HLCS: variants seen among roughly 807,000 people sequenced by gnomAD.
HLCS encodes biotin--protein ligase.
In HLCS, 53 loss-of-function variants were observed where a neutral mutation model predicts 75.0. The ratio of observed to expected loss-of-function variants is 0.71; its 90% CI spans 0.57 to 0.89. The LOEUF (loss-of-function observed/expected upper bound fraction) is 0.89. Among genes scored for constraint, HLCS ranks in the 40% least tolerant of loss-of-function variants. The pLI, the probability that HLCS is intolerant of heterozygous loss-of-function variation, is 0.00. For missense variants in HLCS, 966 were observed against 1,074.0 expected (o/e 0.90, Z 1.41); for synonymous variants, 431 against 428.6 (o/e 1.01, Z -0.07).
At chr21:36,904,691 G>A (rs1014517060) in intron 5 of HLCS, among the ~76,000 whole-genome samples, 3 of 152,056 alleles carry the variant, frequency 2.0e-5, no homozygotes, top group African/African-American at 4.8e-5. Context: ...ATAAAATTCT[G>A]GTTGTAAGAA....
chr21:36,905,335 A>G (rs547089350), intron 5 of HLCS, among the ~76,000 whole-genome samples: 8 of 152,210 alleles, frequency 5.3e-5, no homozygotes, highest in Non-Finnish European at 1.0e-4. Flanking sequence ...AAAGACAATG[A>G]GAGAGTATGG....
At position 36,827,077 on chromosome 21, in the gene HLCS, G is replaced by A. The variant is rs563498281; in HGVS notation, c.1893-59792C>T. ...GTCACAGGATAATGGCATGCTTAAG[G>A]CGGCCCAATAGACACAGGAGAACAC... On this transcript the variant is annotated intron_variant, in intron 6 of 10. Coordinates refer to ENST00000674895, the MANE Select transcript of HLCS (RefSeq NM_001352514.2). Among the ~76,000 whole-genome samples the A allele has an allele frequency of 4.9e-4, 74 of 152,274 alleles. 1 individual carries two copies. The highest frequency in any genetic ancestry group is 1.7e-3 in the African/African-American group (69 of 41,558).
intron 6 of HLCS, among the ~76,000 whole-genome samples, chr21:36,848,116 C>G (rs2062859907): frequency 6.6e-6 from 1 of 152,142 alleles, no homozygotes; most frequent in Non-Finnish European, 1.5e-5. Context: ...ATCACTTCAT[C>G]TACTTGGGTT....
intron 5 of HLCS, among the ~76,000 whole-genome samples, chr21:36,911,722 C>T (rs1401975842): frequency 7.1e-6 from 1 of 140,122 alleles, no homozygotes; most frequent in African/African-American, 2.7e-5. Context: ...GCACTCCAGC[C>T]TGGGCGATAG....
At chr21:36,811,442 G>A (rs1411646807) in intron 6 of HLCS, among the ~76,000 whole-genome samples, 3 of 152,222 alleles carry the variant, frequency 2.0e-5, no homozygotes, top group Non-Finnish European at 2.9e-5. Flanking sequence ...GGACACCTCT[G>A]CCTCCAGGAG....
chr21:36,944,080 G>A (rs777347520), intron 2 of HLCS: 3 of 152,098 alleles, frequency 2.0e-5, no homozygotes, highest in African/African-American at 4.8e-5. Flanking sequence ...CATTCTCCAA[G>A]CTTCCATTTT....
At chr21:36,863,803 C>T (rs1417484486) in intron 6 of HLCS, among the ~76,000 whole-genome samples, 1 of 150,520 alleles carries the variant, frequency 6.6e-6, no homozygotes, top group Non-Finnish European at 1.5e-5. Flanking sequence ...CTCAACCACT[C>T]ACCACAAGGT....
intron 2 of HLCS, among the ~76,000 whole-genome samples, chr21:36,958,643 G>A (rs988609992): frequency 4.6e-5 from 7 of 152,066 alleles, no homozygotes; most frequent in Non-Finnish European, 1.0e-4. Flanking sequence ...CAAACAATTA[G>A]CTGGGCGTGG....
At chr21:36,867,208 T>C (rs1333126638) in intron 6 of HLCS, among the ~76,000 whole-genome samples, 2 of 152,172 alleles carry the variant, frequency 1.3e-5, no homozygotes, top group African/African-American at 4.8e-5. Flanking sequence ...CGTTGCAACA[T>C]TGGTTCTCAG....
intron 6 of HLCS, among the ~76,000 whole-genome samples, chr21:36,827,414 CA>C (rs1173480388): frequency 3.4e-5 from 5 of 146,964 alleles, no homozygotes; most frequent in Non-Finnish European, 3.0e-5. Context: ...ACTAAAAATA[CA>C]AAAAAAAAAT....
chr21:36,987,188 A>T (rs940616030), intron 1 of HLCS, among the ~76,000 whole-genome samples: 4 of 152,128 alleles, frequency 2.6e-5, no homozygotes, highest in African/African-American at 9.7e-5. Context: ...TTCTCCTAGG[A>T]GCTCTGACTC....
chr21:36,900,692 G>A (rs1158055819), intron 5 of HLCS, among the ~76,000 whole-genome samples: 2 of 152,164 alleles, frequency 1.3e-5, no homozygotes, highest in Non-Finnish European at 2.9e-5. Flanking sequence ...ACCTAAATGA[G>A]CTAGGAGTGA....
At chr21:36,906,447 T>A in intron 5 of HLCS, among the ~76,000 whole-genome samples, 1 of 152,194 alleles carries the variant, frequency 6.6e-6, no homozygotes, top group South Asian at 2.1e-4. Flanking sequence ...GGTGAGAGGA[T>A]CACTTGAGCC....
intron 6 of HLCS, among the ~76,000 whole-genome samples, chr21:36,838,965 C>T (rs2062519827): frequency 1.3e-5 from 2 of 152,154 alleles, no homozygotes; most frequent in African/African-American, 4.8e-5. Flanking sequence ...TTTTAAGCTG[C>T]CAGTTTGCAG....
chr21:36,985,052 G>C (rs1357206599), intron 1 of HLCS, among the ~76,000 whole-genome samples: 1 of 151,964 alleles, frequency 6.6e-6, no homozygotes, highest in African/African-American at 2.4e-5. Context: ...CTTCACCCTA[G>C]TACTTCAAGC....
chr21:36,802,857 T>C (rs1277625489), intron 6 of HLCS, among the ~76,000 whole-genome samples: 2 of 152,230 alleles, frequency 1.3e-5, no homozygotes, highest in Non-Finnish European at 2.9e-5. Flanking sequence ...CATAGTCATA[T>C]ATGAGCCAGT....
At chr21:36,839,620 A>T (rs537214999) in intron 6 of HLCS, among the ~76,000 whole-genome samples, 1 of 152,342 alleles carries the variant, frequency 6.6e-6, no homozygotes, top group East Asian at 1.9e-4. Flanking sequence ...GCCAACACAC[A>T]AAATACAGGC....
At chr21:36,961,509 C>A (rs991971975) in intron 2 of HLCS, among the ~76,000 whole-genome samples, 1 of 151,972 alleles carries the variant, frequency 6.6e-6, no homozygotes, top group South Asian at 2.1e-4. Flanking sequence ...CACAATAAGA[C>A]CCTGTCTGAA....
At chr21:36,932,875 T>C (rs2066707703) in intron 4 of HLCS, among the ~76,000 whole-genome samples, 1 of 152,236 alleles carries the variant, frequency 6.6e-6, no homozygotes, top group South Asian at 2.1e-4. Context: ...CCCAGCACTT[T>C]GGCAGGCCGA....
Sources: gnomAD v4.1 joint callset for allele counts (sites outside exome capture counted in the v4.1 genomes callset) on GRCh38, gnomAD v4.1.1 for gene constraint, MANE v1.5 for transcripts, NCBI Gene and HGNC (gene_info 2026-07-23, HGNC 2026-07-21) for gene names.